DNAJC24: variants seen among roughly 807,000 people sequenced by gnomAD.
DNAJC24 encodes dnaJ homolog subfamily C member 24.
Under a neutral mutation model 18.0 loss-of-function variants are expected in DNAJC24, and 17 were observed. That is an observed-to-expected ratio of 0.94 (90% CI 0.65 to 1.42). DNAJC24 has a LOEUF of 1.42. Ranked by LOEUF, DNAJC24 falls within the 40% of genes most tolerant of loss-of-function variation. The probability of loss-of-function intolerance (pLI) is 0.00; values close to 1 mark genes in which losing one functional copy is unlikely to be tolerated. For missense variants in DNAJC24, 158 were observed against 175.6 expected (o/e 0.90, Z 0.57); for synonymous variants, 55 against 57.7 (o/e 0.95, Z 0.21).
intron 2 of DNAJC24, among the ~76,000 whole-genome samples, chr11:31,405,230 C>T (rs1444524624): frequency 6.6e-6 from 1 of 151,792 alleles, no homozygotes; most frequent in Non-Finnish European, 1.5e-5. Context: ...CCACCACACC[C>T]AGCTAATTTT....
At chr11:31,378,633 G>T (rs1376295156) in intron 2 of DNAJC24, among the ~76,000 whole-genome samples, 1 of 151,914 alleles carries the variant, frequency 6.6e-6, no homozygotes. Context: ...AAAAAAGCAG[G>T]CAGTCAGTTA....
At chr11:31,415,959 A>G (rs1952748210) in intron 3 of DNAJC24, 1 of 152,178 alleles carries the variant, frequency 6.6e-6, no homozygotes, top group Non-Finnish European at 1.5e-5. Context: ...TTTGCAAGAC[A>G]TCCCTATTTA....
intron 2 of DNAJC24, among the ~76,000 whole-genome samples, chr11:31,390,705 T>TAAAA (rs34050503): frequency 2.6e-5 from 3 of 114,094 alleles, no homozygotes; most frequent in Non-Finnish European, 3.6e-5. Context: ...GATTCCATCT[T>TAAAA]AAAAAAAAAA....
intron 4 of DNAJC24, chr11:31,429,592 C>G (rs561960848): frequency 5.8e-6 from 2 of 343,798 alleles, no homozygotes; most frequent in African/African-American, 4.2e-5. Flanking sequence ...AAAATTTCCA[C>G]GATCAGGAGC....
At chr11:31,384,144 C>T (rs1183302653) in intron 2 of DNAJC24, among the ~76,000 whole-genome samples, 1 of 152,148 alleles carries the variant, frequency 6.6e-6, no homozygotes, top group South Asian at 2.1e-4. Flanking sequence ...AGCGCTACCC[C>T]CATTGTAAAT....
At chr11:31,430,158 A>T in intron 4 of DNAJC24, 113 bp from the exon 5 acceptor site, 1 of 932,300 alleles carries the variant, frequency 1.1e-6, no homozygotes, top group Non-Finnish European at 1.5e-6. Flanking sequence ...ATCTTTACTG[A>T]GCTTCTTTGT....
intron 2 of DNAJC24, among the ~76,000 whole-genome samples, chr11:31,397,802 G>A (rs1952557619): frequency 6.6e-6 from 1 of 151,770 alleles, no homozygotes; most frequent in African/African-American, 2.4e-5. Flanking sequence ...CAGAGGATAT[G>A]TGTTTCTTTT....
chr11:31,403,125 ATGTGTGTGTG>A (rs3979423), intron 2 of DNAJC24, among the ~76,000 whole-genome samples: 2,026 of 146,680 alleles, frequency 0.014, 27 homozygotes, highest in Non-Finnish European at 0.022. Flanking sequence ...GCATATATGC[ATGTGTGTGTG>A]TGTGTGTGTG....
rs577097775 is a variant in DNAJC24 at position 31,400,411 on chromosome 11, T to A, written c.112-14400T>A. Among the ~76,000 whole-genome samples the A allele has an allele frequency of 1.1e-4, 17 of 152,250 alleles. No individual in the cohort carries two copies. In the East Asian group the frequency reaches 3.3e-3, roughly 29 times the overall value. On this transcript the variant is annotated intron_variant, in intron 2 of 4. Transcript: ENST00000465995. ...CATATGGAAGCAAAAAAAGAGCCTG[T>A]ATAGTCAGGACAATCCTAAGCAAAA...
At chr11:31,384,744 A>T (rs1049149522) in intron 2 of DNAJC24, 3 of 152,178 alleles carry the variant, frequency 2.0e-5, no homozygotes, top group Admixed American at 2.0e-4. Flanking sequence ...GTTAGATTTC[A>T]TTTTTAATAA....
intron 3 of DNAJC24, chr11:31,422,273 A>G (rs1399062108): frequency 5.8e-6 from 1 of 172,334 alleles, no homozygotes. Flanking sequence ...AGCACAGGGT[A>G]TGAACAGACC....
At chr11:31,371,211 T>C (rs1376286325) in intron 2 of DNAJC24, among the ~76,000 whole-genome samples, 1 of 152,216 alleles carries the variant, frequency 6.6e-6, no homozygotes, top group Non-Finnish European at 1.5e-5. Flanking sequence ...CAGTAGCTAC[T>C]AGCCACATGT....
chr11:31,377,478 A>T (rs1952329054), intron 2 of DNAJC24, among the ~76,000 whole-genome samples: 1 of 152,128 alleles, frequency 6.6e-6, no homozygotes, highest in Non-Finnish European at 1.5e-5. Flanking sequence ...TTTACTATAT[A>T]AAAAATAAAA....
intron 2 of DNAJC24, among the ~76,000 whole-genome samples, chr11:31,382,650 A>G (rs1414388444): frequency 1.3e-5 from 2 of 152,174 alleles, no homozygotes; most frequent in Non-Finnish European, 2.9e-5. Flanking sequence ...GGAAAAAGCC[A>G]AAGTGTTTTC....
At chr11:31,383,083 A>C (rs1952393280) in intron 2 of DNAJC24, among the ~76,000 whole-genome samples, 1 of 152,174 alleles carries the variant, frequency 6.6e-6, no homozygotes, top group South Asian at 2.1e-4. Context: ...GAAGCTGTGG[A>C]TTTGGAGTGC....
At chr11:31,404,901 A>C (rs1235671995) in intron 2 of DNAJC24, among the ~76,000 whole-genome samples, 2 of 151,810 alleles carry the variant, frequency 1.3e-5, no homozygotes, top group Non-Finnish European at 2.9e-5. Context: ...GCAAAAAAAA[A>C]ACCAAAACAC....
At chr11:31,408,423 A>G (rs1952675838) in intron 2 of DNAJC24, 1 of 284,146 alleles carries the variant, frequency 3.5e-6, no homozygotes, top group South Asian at 3.4e-5. Context: ...CTGAGGTGAC[A>G]CATTGTGACA....
intron 2 of DNAJC24, among the ~76,000 whole-genome samples, chr11:31,384,136 C>T (rs548297769): frequency 1.8e-4 from 27 of 152,278 alleles, no homozygotes; most frequent in African/African-American, 6.3e-4. Flanking sequence ...AATAGACTAG[C>T]GCTACCCCCA....
intron 2 of DNAJC24, among the ~76,000 whole-genome samples, chr11:31,402,338 G>A (rs1952608095): frequency 6.6e-6 from 1 of 152,152 alleles, no homozygotes; most frequent in Admixed American, 6.5e-5. Context: ...TATAGGACTG[G>A]AAGTTGCTGT....
Sources: gnomAD v4.1 joint callset for allele counts (sites outside exome capture counted in the v4.1 genomes callset) on GRCh38, gnomAD v4.1.1 for gene constraint, MANE v1.5 for transcripts, NCBI Gene and HGNC (gene_info 2026-07-23, HGNC 2026-07-21) for gene names.